CTNNA2: variants seen among roughly 807,000 people sequenced by gnomAD.
CTNNA2 encodes catenin alpha 2.
CTNNA2 carries 42 observed loss-of-function variants against 101.0 expected under a neutral mutation model. The observed-to-expected ratio is 0.42, with a 90% confidence interval of 0.32 to 0.54. The LOEUF is 0.54. Ranked by LOEUF, CTNNA2 falls within the 20% of genes least tolerant of loss-of-function variation. The pLI is 0.14. For missense variants in CTNNA2, 871 were observed against 1,223.1 expected (o/e 0.71, Z 4.29); for synonymous variants, 450 against 456.4 (o/e 0.99, Z 0.18).
chr2:79,744,369 T>C lies in CTNNA2; in HGVS notation c.103-18T>C. 1 of 1,575,846 alleles carries C rather than the reference T, an allele frequency of 6.3e-7. No homozygotes were observed. The highest frequency in any genetic ancestry group is 8.6e-7 in the Non-Finnish European group (1 of 1,165,148). On this transcript the variant is annotated intron_variant, in intron 2 of 18. Coordinates refer to ENST00000402739, the MANE Select transcript of CTNNA2 (RefSeq NM_001282597.3). ...CAGTTTTGCAAAGAAGTTTTACAGT[T>C]TCTCTTTTATATTTAAGGTGACTAC...
intron 4 of CTNNA2, among the ~76,000 whole-genome samples, chr2:79,406,170 G>A (rs1678339602): frequency 1.3e-5 from 2 of 152,006 alleles, no homozygotes; most frequent in Admixed American, 1.3e-4. Flanking sequence ...AGAGTCCAAA[G>A]GCTTTAACAA....
At chr2:79,650,014 A>G (rs535135688) in intron 1 of CTNNA2, among the ~76,000 whole-genome samples, 1 of 152,296 alleles carries the variant, frequency 6.6e-6, no homozygotes, top group South Asian at 2.1e-4. Context: ...TCAAAATAAA[A>G]GAACAGCCAT....
chr2:80,322,815 G>T (rs1012377536), intron 7 of CTNNA2, among the ~76,000 whole-genome samples: 1 of 152,176 alleles, frequency 6.6e-6, no homozygotes, highest in African/African-American at 2.4e-5. Flanking sequence ...TCAACCAGGG[G>T]CTGCCTCGGC....
At chr2:79,515,220 G>T (rs570961393) in intron 1 of CTNNA2, among the ~76,000 whole-genome samples, 1 of 152,334 alleles carries the variant, frequency 6.6e-6, no homozygotes, top group South Asian at 2.1e-4. Flanking sequence ...GTGTGTATTG[G>T]AATGCTTGCA....
chr2:79,220,887 C>T (rs995764328), intron 2 of CTNNA2, among the ~76,000 whole-genome samples: 1 of 152,108 alleles, frequency 6.6e-6, no homozygotes, highest in African/African-American at 2.4e-5. Flanking sequence ...GTTAATCTTT[C>T]TCAATCGGAA....
At chr2:79,247,581 G>T (rs914524749) in intron 2 of CTNNA2, among the ~76,000 whole-genome samples, 1 of 152,108 alleles carries the variant, frequency 6.6e-6, no homozygotes, top group African/African-American at 2.4e-5. Context: ...TCTTGAAAAA[G>T]ATTAAGAAGA....
chr2:79,690,200 TA>T (rs1558841501), intron 2 of CTNNA2, among the ~76,000 whole-genome samples: 1 of 151,922 alleles, frequency 6.6e-6, no homozygotes, highest in East Asian at 1.9e-4. Flanking sequence ...ATTAGAGATT[TA>T]AAAAAAGATG....
intron 7 of CTNNA2, among the ~76,000 whole-genome samples, chr2:80,173,151 A>G (rs57083409): frequency 0.02 from 3,014 of 152,304 alleles, 39 homozygotes; most frequent in South Asian, 0.048. Flanking sequence ...CACACTTACT[A>G]CCACCTTTAA....
At chr2:80,024,213 G>A (rs1189850809) in intron 7 of CTNNA2, among the ~76,000 whole-genome samples, 1 of 151,912 alleles carries the variant, frequency 6.6e-6, no homozygotes, top group Non-Finnish European at 1.5e-5. Context: ...TGTAGTGATT[G>A]TGATAGAGAA....
intron 1 of CTNNA2, among the ~76,000 whole-genome samples, chr2:79,582,650 T>G (rs1489579434): frequency 2.0e-5 from 3 of 152,198 alleles, no homozygotes. Context: ...TATATATTTG[T>G]AGCTGTTGGT....
intron 2 of CTNNA2, among the ~76,000 whole-genome samples, chr2:79,704,850 T>C (rs997439380): frequency 6.6e-6 from 1 of 152,086 alleles, no homozygotes; most frequent in African/African-American, 2.4e-5. Flanking sequence ...TCTCTACCCC[T>C]TTCAAGCAGA....
In CTNNA2 at chr2:80,335,486, G is replaced by C. The variant is rs143289221; in HGVS notation, c.1057-57725G>C. Among the ~76,000 whole-genome samples, 618 of 152,262 alleles carry C rather than the reference G, an allele frequency of 4.1e-3. 5 individuals are homozygous for C. Among genetic ancestry groups the C allele is most frequent in the Non-Finnish European group, 6.4e-3 (434 of 68,022 alleles). On this transcript the variant is annotated intron_variant, in intron 7 of 18. Transcript: ENST00000402739. ...GACCACAGGGCTGTGGGGTCTGAAA[G>C]TACAGCGCAGTGTACAATCACATCA...
At chr2:80,616,244 G>C (rs796288017) in intron 17 of CTNNA2, among the ~76,000 whole-genome samples, 7 of 151,788 alleles carry the variant, frequency 4.6e-5, no homozygotes, top group African/African-American at 1.7e-4. Context: ...ATGTACGTTT[G>C]TCAGCCCAAA....
At chr2:79,865,678 A>T (rs1682021834) in intron 4 of CTNNA2, among the ~76,000 whole-genome samples, 1 of 152,202 alleles carries the variant, frequency 6.6e-6, no homozygotes, top group Non-Finnish European at 1.5e-5. Context: ...CTCTGCATAA[A>T]TATTTAATGA....
chr2:79,546,218 C>T (rs191361263), intron 1 of CTNNA2, among the ~76,000 whole-genome samples: 18 of 152,278 alleles, frequency 1.2e-4, no homozygotes, highest in African/African-American at 3.6e-4. Flanking sequence ...CATACTCTCA[C>T]TCAGATGGCA....
At chr2:80,263,693 T>C (rs977978311) in intron 7 of CTNNA2, among the ~76,000 whole-genome samples, 14 of 152,228 alleles carry the variant, frequency 9.2e-5, no homozygotes, top group African/African-American at 3.4e-4. Flanking sequence ...AGTGTTGTGT[T>C]TGACAGTCAC....
intron 3 of CTNNA2, among the ~76,000 whole-genome samples, chr2:79,369,449 T>G: frequency 6.6e-6 from 1 of 152,134 alleles, no homozygotes; most frequent in East Asian, 1.9e-4. Flanking sequence ...CAATATCGTC[T>G]TGGCCTTTAT....
chr2:79,769,190 C>A (rs976806302), intron 3 of CTNNA2, among the ~76,000 whole-genome samples: 7 of 152,080 alleles, frequency 4.6e-5, no homozygotes, highest in African/African-American at 1.7e-4. Flanking sequence ...TCTTAGAATT[C>A]TTTTTTTCCC....
At chr2:79,228,623 A>T (rs912596806) in intron 2 of CTNNA2, among the ~76,000 whole-genome samples, 2 of 151,620 alleles carry the variant, frequency 1.3e-5, no homozygotes, top group Non-Finnish European at 2.9e-5. Flanking sequence ...TTCGTGATTT[A>T]AGTTCCTTGT....
Sources: allele counts gnomAD v4.1 joint callset (sites outside exome capture counted in the v4.1 genomes callset), GRCh38; gene constraint gnomAD v4.1.1; transcripts MANE v1.5; gene names NCBI Gene and HGNC (gene_info 2026-07-23, HGNC 2026-07-21).